The following ABCB5 variants were observed in gnomAD, a reference collection of about 807,000 sequenced individuals.
ABCB5 encodes the protein ATP-binding cassette sub-family B member 5.
A neutral mutation model predicts 144.2 loss-of-function variants in ABCB5; 155 were observed. The observed-to-expected ratio is 1.08, with a 90% CI of 0.94 to 1.23. ABCB5 has a LOEUF of 1.23. ABCB5 is among the 50% of genes most tolerant of loss of function. ABCB5 has a pLI of 0.00. For synonymous variants in ABCB5, 610 were observed against 528.6 expected, an observed-to-expected ratio of 1.15 and a Z score of -2.11; for missense variants, 1,830 against 1,520.8, an observed-to-expected ratio of 1.20 and a Z score of -3.38.
At chr7:20,720,706 GA>G (rs1223541825) in intron 20 of ABCB5, among the ~76,000 whole-genome samples, 1 of 152,128 alleles carries the variant, frequency 6.6e-6, no homozygotes, top group Non-Finnish European at 1.5e-5. Context: ...AGCAGTTTGG[GA>G]GGCCGAGACG....
At chr7:20,722,963 TTGTAAA>T (rs1781920645) in intron 20 of ABCB5, 47 bp from the exon 21 acceptor site, 2 of 1,535,354 alleles carry the variant, frequency 1.3e-6, no homozygotes, top group African/African-American at 1.4e-5. Context: ...ATAGGAACTC[TTGTAAA>T]TGTAAAGTTA....
chr7:20,676,701 T>C (rs1785625728), intron 14 of ABCB5, among the ~76,000 whole-genome samples: 2 of 152,212 alleles, frequency 1.3e-5, no homozygotes, highest in South Asian at 4.1e-4. Flanking sequence ...TTGGCAATAT[T>C]GTATTGTATT....
intron 24 of ABCB5, among the ~76,000 whole-genome samples, chr7:20,742,508 A>G (rs1782592631): frequency 6.6e-6 from 1 of 152,250 alleles, no homozygotes; most frequent in Admixed American, 6.5e-5. Context: ...AGCTCTTCTG[A>G]ATTAAGCAAT....
chr7:20,686,272 C>T (rs141419516), intron 16 of ABCB5, among the ~76,000 whole-genome samples: 140 of 152,262 alleles, frequency 9.2e-4, no homozygotes, highest in African/African-American at 3.2e-3. Context: ...ACCTGAGAAG[C>T]CTTGCTCACT....
intron 16 of ABCB5, among the ~76,000 whole-genome samples, chr7:20,693,218 T>G (rs115176801): frequency 0.015 from 2,265 of 151,938 alleles, 68 homozygotes; most frequent in African/African-American, 0.051. Flanking sequence ...ATAATAATAA[T>G]TAACCAGGAA....
At chr7:20,741,775 C>G (rs115936467) in intron 24 of ABCB5, among the ~76,000 whole-genome samples, 1,767 of 152,202 alleles carry the variant, frequency 0.012, 30 homozygotes, top group African/African-American at 0.04. Flanking sequence ...GCCATCACTA[C>G]CACCACACAC....
At chr7:20,701,479 C>T (rs1359807698) in intron 19 of ABCB5, among the ~76,000 whole-genome samples, 1 of 152,116 alleles carries the variant, frequency 6.6e-6, no homozygotes, top group Non-Finnish European at 1.5e-5. Context: ...TTTTTCCAAG[C>T]ATACTTTGAA....
At chr7:20,667,523 C>G (rs1375941787) in intron 14 of ABCB5, 1 of 978,876 alleles carries the variant, frequency 1.0e-6, no homozygotes. Context: ...TTAATGCTCT[C>G]TTTTATATTT....
At chr7:20,659,038 C>G (rs749800927) in intron 14 of ABCB5, 24 of 1,609,932 alleles carry the variant, frequency 1.5e-5, no homozygotes, top group Non-Finnish European at 2.0e-5. Flanking sequence ...CTGTGGGATT[C>G]TCTTCTCTGA....
intron 26 of ABCB5, 149 bp downstream of exon 26, chr7:20,745,587 A>T: frequency 4.6e-6 from 4 of 864,228 alleles, no homozygotes; most frequent in Non-Finnish European, 6.9e-6. Flanking sequence ...ATGAAGTCAG[A>T]TGCGAAAAAC....
intron 16 of ABCB5, 106 bp downstream of exon 16, chr7:20,685,942 A>G: frequency 1.1e-5 from 13 of 1,172,678 alleles, no homozygotes; most frequent in Non-Finnish European, 1.4e-5. Flanking sequence ...TTACTGTAGC[A>G]CTAAGCTCAC....
chr7:20,681,045 T>TC (rs1785792394), intron 14 of ABCB5, among the ~76,000 whole-genome samples: 1 of 6,984 alleles, frequency 1.4e-4, no homozygotes, highest in African/African-American at 5.0e-4. Context: ...TCTTTCTTTC[T>TC]TTCTCTCTCT....
rs933605903 is a variant in ABCB5 at position 20,713,781 on chromosome 7, T to G, written c.2421+8974T>G. 3.3e-5 allele frequency among the ~76,000 whole-genome samples: 5 copies of G among 149,672 alleles called. 1 individual carries two copies. Among genetic ancestry groups the G allele is most frequent in the Non-Finnish European group, 5.9e-5 (4 of 67,300 alleles). On this transcript the variant is annotated intron_variant, in intron 20 of 27. Coordinates refer to ENST00000404938, the MANE Select transcript of ABCB5 (RefSeq NM_001163941.2). ...GGCTCAGAAGGTTTTCCAGTCTGGC[T>G]GCTGTTACCAGGCACTAATCCCAGT...
intron 1 of ABCB5, among the ~76,000 whole-genome samples, chr7:20,622,066 A>T (rs1442607956): frequency 6.6e-6 from 1 of 152,154 alleles, no homozygotes; most frequent in Admixed American, 6.5e-5. Context: ...TGATCAGAAG[A>T]TAAGCTTGGT....
intron 20 of ABCB5, among the ~76,000 whole-genome samples, chr7:20,710,095 T>C (rs4719623): frequency 0.68 from 97,815 of 144,816 alleles, 34,951 homozygotes; most frequent in East Asian, 0.91. Context: ...TAGCCAGGGG[T>C]GGTGGCTCAC....
chr7:20,627,679 C>T (rs116726589), intron 3 of ABCB5, among the ~76,000 whole-genome samples: 1,390 of 117,974 alleles, frequency 0.012, 24 homozygotes, highest in African/African-American at 0.048. Context: ...CATTGACCCC[C>T]TTAAATATCC....
chr7:20,636,052 A>G (rs923878178), intron 5 of ABCB5, among the ~76,000 whole-genome samples: 2 of 152,138 alleles, frequency 1.3e-5, no homozygotes, highest in African/African-American at 2.4e-5. Context: ...TTCATCATGG[A>G]AAGTTCTATT....
In ABCB5 at chr7:20,681,671, T is replaced by C. The variant is rs746929811; in HGVS notation, c.1869+5T>C. On this transcript the variant is annotated splice_donor_5th_base_variant and intron_variant, in intron 15 of 27. Transcript: ENST00000404938. ...TATTCACTTGTGATGTCACAGGTAA[T>C]GCTTATGTGACATAATGCTATGTCA... 7 of 1,613,004 alleles carry C rather than the reference T, an allele frequency of 4.3e-6. No homozygotes were observed. Among genetic ancestry groups the C allele is most frequent in the Non-Finnish European group, 5.1e-6 (6 of 1,179,284 alleles).
intron 26 of ABCB5, among the ~76,000 whole-genome samples, chr7:20,751,171 G>C (rs1463178983): frequency 6.6e-6 from 1 of 152,158 alleles, no homozygotes; most frequent in Non-Finnish European, 1.5e-5. Context: ...TCATAAAAGA[G>C]GTGATTTCGG....
Sources: allele counts gnomAD v4.1 joint callset (sites outside exome capture counted in the v4.1 genomes callset), GRCh38; gene constraint gnomAD v4.1.1; transcripts MANE v1.5; gene names NCBI Gene and HGNC (gene_info 2026-07-23, HGNC 2026-07-21).